Variants in NSUN6 observed in about 807,000 individuals in gnomAD.
NSUN6 encodes tRNA (cytosine(72)-C(5))-methyltransferase NSUN6.
NSUN6 carries 64 observed loss-of-function variants against 58.0 expected under a neutral mutation model. The ratio of observed to expected loss-of-function variants is 1.10; its 90% CI spans 0.90 to 1.36. NSUN6 has a LOEUF of 1.36. Among genes scored for constraint, NSUN6 ranks in the 40% most tolerant of loss-of-function variants. The pLI is 0.00. For synonymous variants in NSUN6, 231 were observed against 193.9 expected, an observed-to-expected ratio of 1.19 and a Z score of -1.59; for missense variants, 701 against 550.1, an observed-to-expected ratio of 1.27 and a Z score of -2.74.
At chr10:18,623,025 G>A (rs887950081) in intron 3 of NSUN6, among the ~76,000 whole-genome samples, 7 of 152,110 alleles carry the variant, frequency 4.6e-5, no homozygotes, top group Non-Finnish European at 1.0e-4. Context: ...CTGGCATTCC[G>A]TTTTCTCCTG....
At chr10:18,546,288 G>C in intron 10 of NSUN6, 143 bp from the exon 11 acceptor site, 2 of 692,098 alleles carry the variant, frequency 2.9e-6, no homozygotes, top group Non-Finnish European at 5.2e-6. Flanking sequence ...TTTCATTTTG[G>C]TGGAACATAC....
chr10:18,610,710 C>T (rs1013000013), intron 5 of NSUN6, among the ~76,000 whole-genome samples: 6 of 152,130 alleles, frequency 3.9e-5, no homozygotes, highest in Non-Finnish European at 5.9e-5. Flanking sequence ...AGACAAACAT[C>T]ACAATCTCAG....
chr10:18,556,589 A>G (rs936991387), intron 8 of NSUN6, among the ~76,000 whole-genome samples: 2 of 151,044 alleles, frequency 1.3e-5, no homozygotes, highest in African/African-American at 4.9e-5. Context: ...GATGGTGTGG[A>G]GAATGGAATG....
At chr10:18,650,525 A>G (rs1564852878) in intron 1 of NSUN6, among the ~76,000 whole-genome samples, 1 of 152,234 alleles carries the variant, frequency 6.6e-6, no homozygotes, top group Non-Finnish European at 1.5e-5. Flanking sequence ...ACAAAGCACT[A>G]GAATGCAAAT....
rs369599546 is a variant in NSUN6 at position 18,614,637 on chromosome 10, T to C, written c.422-24A>G. The C allele has an allele frequency of 9.8e-5, 121 of 1,229,154 alleles. No individual in the cohort carries two copies. In the African/African-American group the frequency reaches 1.3e-3, roughly 13 times the overall value. 76.1% of individuals were successfully genotyped at this position (1,229,154 alleles called of 1,614,324 possible). A position where few individuals can be genotyped will look rare whatever the true frequency, so the allele number is the denominator to read the frequency against. ...AACTAGAGAAAGAAGAAAATCAGAT[T>C]ACACTGATTTATACTTTGGCAGAAG... On this transcript the variant is annotated intron_variant, in intron 4 of 10. Coordinates refer to ENST00000377304, the MANE Select transcript of NSUN6 (RefSeq NM_182543.5).
At chr10:18,601,972 C>CG (rs1439072755) in intron 6 of NSUN6, among the ~76,000 whole-genome samples, 2 of 148,458 alleles carry the variant, frequency 1.3e-5, no homozygotes, top group African/African-American at 5.0e-5. Flanking sequence ...CACTCTATCT[C>CG]GGGGGAAAAA....
chr10:18,588,012 C>T (rs2057234248), intron 7 of NSUN6, among the ~76,000 whole-genome samples: 1 of 152,192 alleles, frequency 6.6e-6, no homozygotes. Context: ...GCCCAGCAAG[C>T]TAAGAACCAC....
chr10:18,565,426 T>C (rs1394261003), intron 8 of NSUN6, among the ~76,000 whole-genome samples: 1 of 151,374 alleles, frequency 6.6e-6, no homozygotes, highest in Non-Finnish European at 1.5e-5. Context: ...CATTCTCCAC[T>C]CCATTCCATT....
chr10:18,607,159 C>G (rs906561469), intron 6 of NSUN6, among the ~76,000 whole-genome samples: 2 of 152,176 alleles, frequency 1.3e-5, no homozygotes, highest in Non-Finnish European at 2.9e-5. Context: ...CTTTCAGGGA[C>G]TGTCATTTAA....
chr10:18,559,942 CTGGAATGGAATAGAGAATGGTT>C (rs1355069234), intron 8 of NSUN6, among the ~76,000 whole-genome samples: 2 of 128,960 alleles, frequency 1.6e-5, no homozygotes, highest in Admixed American at 1.6e-4. Context: ...GGAGAATGGA[CTGGAATGGAATAGAGAATGGTT>C]TGGAATGGAA....
chr10:18,624,278 T>C (rs2058709268), intron 3 of NSUN6, among the ~76,000 whole-genome samples: 1 of 151,776 alleles, frequency 6.6e-6, no homozygotes, highest in African/African-American at 2.4e-5. Context: ...TCAATCCCCA[T>C]TTTAGAGATA....
chr10:18,637,218 C>A (rs1462226548), intron 3 of NSUN6, among the ~76,000 whole-genome samples: 1 of 152,116 alleles, frequency 6.6e-6, no homozygotes, highest in Non-Finnish European at 1.5e-5. Context: ...CCCCCTGGGC[C>A]TCCCAAAGTG....
chr10:18,613,477 A>G (rs959033917), intron 5 of NSUN6, among the ~76,000 whole-genome samples: 5 of 152,230 alleles, frequency 3.3e-5, no homozygotes, highest in Non-Finnish European at 5.9e-5. Context: ...AACATTATTC[A>G]GCACGATAAC....
intron 8 of NSUN6, among the ~76,000 whole-genome samples, chr10:18,573,016 C>T (rs559906501): frequency 6.8e-6 from 1 of 146,110 alleles, no homozygotes; most frequent in Admixed American, 6.9e-5. Context: ...CCATTCTCCA[C>T]TGTATTCCAT....
At chr10:18,555,133 T>G (rs1289516407) in intron 8 of NSUN6, among the ~76,000 whole-genome samples, 1 of 131,752 alleles carries the variant, frequency 7.6e-6, no homozygotes, top group African/African-American at 2.9e-5. Flanking sequence ...ATGGAGAATG[T>G]AATGTAATGG....
chr10:18,603,022 G>A (rs185251463), intron 6 of NSUN6, among the ~76,000 whole-genome samples: 1 of 152,332 alleles, frequency 6.6e-6, no homozygotes, highest in African/African-American at 2.4e-5. Flanking sequence ...GTCGGGCGCA[G>A]TGGCTCACTC....
At chr10:18,558,028 TAGAATGG>T (rs921844671) in intron 8 of NSUN6, among the ~76,000 whole-genome samples, 2 of 148,382 alleles carry the variant, frequency 1.3e-5, no homozygotes, top group African/African-American at 5.0e-5. Flanking sequence ...TGAAATGAAA[TAGAATGG>T]AGAATGGAAT....
intron 4 of NSUN6, among the ~76,000 whole-genome samples, chr10:18,615,509 T>C (rs1213235837): frequency 1.3e-5 from 2 of 152,192 alleles, no homozygotes; most frequent in African/African-American, 4.8e-5. Context: ...TATATGTGTA[T>C]CTTTTCACAA....
At chr10:18,644,496 T>C (rs894712040) in intron 2 of NSUN6, among the ~76,000 whole-genome samples, 1 of 84,362 alleles carries the variant, frequency 1.2e-5, no homozygotes, top group Non-Finnish European at 2.4e-5. Context: ...TGTATTAAGG[T>C]ATGTCTTTTT....
Sources: gnomAD v4.1 joint callset for allele counts (sites outside exome capture counted in the v4.1 genomes callset) on GRCh38, gnomAD v4.1.1 for gene constraint, MANE v1.5 for transcripts, NCBI Gene and HGNC (gene_info 2026-07-23, HGNC 2026-07-21) for gene names.